The following NXPE4 variants were observed in gnomAD, a reference collection of about 807,000 sequenced individuals.
NXPE4 encodes NXPE family member 4.
Under a neutral mutation model 33.3 loss-of-function variants are expected in NXPE4, and 42 were observed. The ratio of observed to expected loss-of-function variants is 1.26; its 90% CI spans 0.98 to 1.63. The LOEUF (loss-of-function observed/expected upper bound fraction) is 1.63, where lower values mean the gene tolerates loss of function less well. Among genes scored for constraint, NXPE4 ranks in the 40% most tolerant of loss-of-function variants. The probability of loss-of-function intolerance (pLI) is 0.00; values close to 1 mark genes in which losing one functional copy is unlikely to be tolerated. For synonymous variants in NXPE4, 253 were observed against 234.9 expected, an observed-to-expected ratio of 1.08 and a Z score of -0.71; for missense variants, 709 against 647.6, an observed-to-expected ratio of 1.09 and a Z score of -1.03.
At chr11:114,602,211 C>CA in the NXPE4 span, among the ~76,000 whole-genome samples, 2 of 104,392 alleles carry the variant, frequency 1.9e-5, no homozygotes, top group African/African-American at 7.7e-5. Flanking sequence ...ATACTATATA[C>CA]AATATATGTT....
At chr11:114,648,526 C>T in the NXPE4 span, among the ~76,000 whole-genome samples, 2,559 of 152,176 alleles carry the variant, frequency 0.017, 25 homozygotes, top group Non-Finnish European at 0.026. Flanking sequence ...CGTTAATCTA[C>T]CAAAAAACAC....
At chr11:114,641,433 A>G in the NXPE4 span, among the ~76,000 whole-genome samples, 2 of 152,056 alleles carry the variant, frequency 1.3e-5, no homozygotes, top group African/African-American at 4.8e-5. Context: ...GTAAATTGCA[A>G]TGAAATTGCA....
chr11:114,622,017 T>C, the NXPE4 span, among the ~76,000 whole-genome samples: 1,428 of 152,150 alleles, frequency 9.4e-3, 24 homozygotes, highest in African/African-American at 0.032. Context: ...TACTGGCTCA[T>C]GGGTAACCAC....
the NXPE4 span, among the ~76,000 whole-genome samples, chr11:114,612,422 AG>A: frequency 1.3e-5 from 2 of 151,858 alleles, no homozygotes; most frequent in Non-Finnish European, 2.9e-5. Context: ...GTGGATAATA[AG>A]TGTTGCCTCG....
chr11:114,640,223 A>C, the NXPE4 span, among the ~76,000 whole-genome samples: 1 of 140,756 alleles, frequency 7.1e-6, no homozygotes, highest in South Asian at 2.1e-4. Context: ...AATGTAATTT[A>C]TATATATAAA....
the NXPE4 span, among the ~76,000 whole-genome samples, chr11:114,637,463 A>T: frequency 6.6e-6 from 1 of 151,768 alleles, no homozygotes; most frequent in Non-Finnish European, 1.5e-5. Context: ...GTCCATTTAC[A>T]TTTAAAGTTA....
chr11:114,601,332 G>T, the NXPE4 span, among the ~76,000 whole-genome samples: 1 of 148,514 alleles, frequency 6.7e-6, no homozygotes, highest in African/African-American at 2.5e-5. Context: ...TTATAAGTGA[G>T]AATATGTGGT....
At chr11:114,675,347 T>TA in the NXPE4 span, among the ~76,000 whole-genome samples, 1 of 151,574 alleles carries the variant, frequency 6.6e-6, no homozygotes, top group Non-Finnish European at 1.5e-5. Context: ...GGCATCCAAA[T>TA]AAAAAATGAA....
chr11:114,639,458 C>T, the NXPE4 span, among the ~76,000 whole-genome samples: 124 of 151,704 alleles, frequency 8.2e-4, no homozygotes, highest in East Asian at 0.02. Flanking sequence ...GGCTCATGCA[C>T]GCTGCGCTGC....
Position 114,570,976 on chromosome 11 carries a change from C to T in NXPE4, c.1597G>A (p.Gly533Arg), listed in dbSNP as rs201894163. Residue 533 changes from glycine to arginine, a missense_variant, in exon 6 of 6, where the codon GGA becomes AGA. By Grantham distance (125) the Gly-to-Arg change is moderately radical (BLOSUM62 -2). Transcript: ENST00000375478. ...TTTAATAATATATTAATCTGATTTC[C>T]GACTACATGTTGAGGTGGGTGTACA... is the stretch of plus-strand genomic sequence containing the variant. Reference protein sequence around the residue: ...NNVHPPQHVVGNQINILLNYI... With the variant: ...NNVHPPQHVVRNQINILLNYI... 221 of 1,608,532 alleles carry T rather than the reference C, an allele frequency of 1.4e-4. No homozygotes were observed. Among genetic ancestry groups the T allele is most frequent in the South Asian group, 2.3e-4 (21 of 90,566 alleles).
At chr11:114,617,916 C>T in the NXPE4 span, among the ~76,000 whole-genome samples, 16 of 151,994 alleles carry the variant, frequency 1.1e-4, no homozygotes, top group African/African-American at 3.9e-4. Context: ...TCATGGGTAA[C>T]CACTGTAATC....
chr11:114,626,321 G>A, the NXPE4 span, among the ~76,000 whole-genome samples: 1 of 152,220 alleles, frequency 6.6e-6, no homozygotes. Context: ...GCACACAGCT[G>A]GAGATCTGAG....
chr11:114,573,802 T>A (rs1431511944), intron 5 of NXPE4, among the ~76,000 whole-genome samples: 2 of 152,052 alleles, frequency 1.3e-5, no homozygotes, highest in African/African-American at 4.8e-5. Context: ...AGACTGGTCA[T>A]CAAGACAGAA....
chr11:114,616,987 T>G, the NXPE4 span, among the ~76,000 whole-genome samples: 1 of 146,522 alleles, frequency 6.8e-6, no homozygotes, highest in Non-Finnish European at 1.5e-5. Flanking sequence ...TGTTTCCTTG[T>G]GGGTAACCAC....
chr11:114,599,062 A>G (rs776920613), upstream of NXPE4, among the ~76,000 whole-genome samples: 7 of 152,102 alleles, frequency 4.6e-5, no homozygotes, highest in Non-Finnish European at 8.8e-5. Flanking sequence ...CCAGTTTTAC[A>G]TCTTTTTTTT....
the NXPE4 span, among the ~76,000 whole-genome samples, chr11:114,671,299 A>G: frequency 5.4e-5 from 8 of 147,586 alleles, no homozygotes; most frequent in African/African-American, 7.4e-5. Context: ...GAAATACGGT[A>G]CAAATTTAAG....
the NXPE4 span, among the ~76,000 whole-genome samples, chr11:114,615,017 C>T: frequency 2.6e-5 from 4 of 151,206 alleles, no homozygotes; most frequent in South Asian, 4.2e-4. Context: ...AGTGTTTCCT[C>T]GTGGGTAACC....
chr11:114,575,099 T>A (rs1948967637), intron 5 of NXPE4, among the ~76,000 whole-genome samples: 1 of 152,096 alleles, frequency 6.6e-6, no homozygotes. Context: ...AATCACATCA[T>A]CGTCTCAGCA....
the NXPE4 span, among the ~76,000 whole-genome samples, chr11:114,637,180 G>A: frequency 1.3e-5 from 2 of 151,838 alleles, no homozygotes; most frequent in Admixed American, 1.3e-4. Context: ...AGGATAGTTA[G>A]CTCTTCTTGT....
Sources: allele counts gnomAD v4.1 joint callset (sites outside exome capture counted in the v4.1 genomes callset), GRCh38; gene constraint gnomAD v4.1.1; transcripts MANE v1.5; gene names NCBI Gene and HGNC (gene_info 2026-07-23, HGNC 2026-07-21).